SH3BP4: variants seen among roughly 807,000 people sequenced by gnomAD.
The protein encoded by SH3BP4 is SH3 domain-binding protein 4.
Under a neutral mutation model 65.5 loss-of-function variants are expected in SH3BP4, and 33 were observed. The ratio of observed to expected loss-of-function variants is 0.50; its 90% CI spans 0.38 to 0.67. The LOEUF (loss-of-function observed/expected upper bound fraction) is 0.67, where lower values mean the gene tolerates loss of function less well. SH3BP4 is among the 30% of genes least tolerant of loss of function. The pLI, the probability that SH3BP4 is intolerant of heterozygous loss-of-function variation, is 0.00. For missense variants in SH3BP4, 1,134 were observed against 1,261.4 expected (o/e 0.90, Z 1.53); for synonymous variants, 552 against 545.5 (o/e 1.01, Z -0.17).
rs760503995 is a variant in SH3BP4 at position 235,046,104 on chromosome 2, C to T, written c.2478+2857C>T. Among the ~76,000 whole-genome samples the T allele has an allele frequency of 6.6e-6, 1 of 152,180 alleles. No homozygotes were observed. Among genetic ancestry groups the T allele is most frequent in the Non-Finnish European group, 1.5e-5 (1 of 68,034 alleles). Reference sequence around the variant, plus strand: ...CTGCCCTGAACACACCCAGCTCGCCCGGCCTCCAGCTCCTGCAGATGCTAT... The same window carrying T: ...CTGCCCTGAACACACCCAGCTCGCCTGGCCTCCAGCTCCTGCAGATGCTAT... On this transcript the variant is annotated intron_variant, in intron 4 of 5. Transcript: ENST00000392011. The surrounding 1 kb of genome is among the most constrained non-coding windows in gnomAD (Gnocchi z 4.2).
At position 235,052,697 on chromosome 2, in the gene SH3BP4, A is replaced by C; in HGVS notation, c.2614A>C (p.Met872Leu). ...EKLAKVSKQQ[M>L]DAYESPHRDR... The stretch of plus-strand genomic sequence containing the variant: ...GCTGGCCAAGGTCTCCAAGCAGCAG[A>C]TGGACGCCTACGAGTCTCCCCACCG... The change falls in exon 5 of 6, where the codon ATG becomes CTG. Residue 872 changes from methionine (M) to leucine (L), a missense_variant. Physicochemically the swap from Met to Leu is conservative, Grantham distance 15. Coordinates refer to ENST00000392011, the MANE Select transcript of SH3BP4 (RefSeq NM_014521.3). This position sits in a 1 kb window ranked among gnomAD's most constrained non-coding sequence, Gnocchi z 5.0. 6.2e-7 allele frequency: 1 copy of C among 1,605,980 alleles called. No individual in the cohort carries two copies. The highest frequency in any genetic ancestry group is 8.5e-7 in the Non-Finnish European group (1 of 1,176,738).
intron 1 of SH3BP4, among the ~76,000 whole-genome samples, chr2:234,965,994 TG>T (rs1692826029): frequency 6.6e-6 from 1 of 152,210 alleles, no homozygotes; most frequent in African/African-American, 2.4e-5. Flanking sequence ...GGTTGAGATT[TG>T]GCCTGGCGAG....
At chr2:235,012,612 C>T (rs1030429097) in intron 2 of SH3BP4, among the ~76,000 whole-genome samples, 88 of 152,224 alleles carry the variant, frequency 5.8e-4, no homozygotes, top group African/African-American at 2.0e-3. Flanking sequence ...TCATAGTTCC[C>T]TCCTTTCACC....
At position 235,046,825 on chromosome 2, in the gene SH3BP4, A is replaced by G. The variant is rs560790090; in HGVS notation, c.2478+3578A>G. Among the ~76,000 whole-genome samples, 1 of 152,310 alleles carries G rather than the reference A, an allele frequency of 6.6e-6. No homozygotes were observed. Among genetic ancestry groups the G allele is most frequent in the Non-Finnish European group, 1.5e-5 (1 of 68,024 alleles). On this transcript the variant is annotated intron_variant, in intron 4 of 5. Coordinates refer to ENST00000392011, the MANE Select transcript of SH3BP4 (RefSeq NM_014521.3). This position sits in a 1 kb window ranked among gnomAD's most constrained non-coding sequence, Gnocchi z 4.2. ...AAGCGGGAGGCATTCTCACGTGGCC[A>G]TACCATGCTTCTGTTCTGTGGTTCC...
intron 2 of SH3BP4, among the ~76,000 whole-genome samples, chr2:235,014,737 T>C (rs1048389502): frequency 1.3e-5 from 2 of 152,174 alleles, no homozygotes; most frequent in Non-Finnish European, 2.9e-5. Context: ...GTGTCCACAT[T>C]TCCTCTTTGT....
intron 1 of SH3BP4, among the ~76,000 whole-genome samples, chr2:234,965,750 G>A (rs1247385763): frequency 6.6e-6 from 1 of 152,172 alleles, no homozygotes; most frequent in African/African-American, 2.4e-5. Flanking sequence ...CAGCGAACCT[G>A]TGTTGGAGGG....
intron 1 of SH3BP4, among the ~76,000 whole-genome samples, chr2:234,972,699 C>T (rs1693036393): frequency 6.6e-6 from 1 of 152,092 alleles, no homozygotes; most frequent in South Asian, 2.1e-4. Context: ...GCACTCCAGC[C>T]TGGGTACAGA....
At position 235,052,997 on chromosome 2, in the gene SH3BP4, A is replaced by G. The variant is rs1183201316; in HGVS notation, c.2667+247A>G. Among the ~76,000 whole-genome samples the G allele has an allele frequency of 1.3e-5, 2 of 152,260 alleles. No homozygotes were observed. Among genetic ancestry groups the G allele is most frequent in the African/African-American group, 4.8e-5 (2 of 41,474 alleles). On this transcript the variant is annotated intron_variant, in intron 5 of 5. Transcript: ENST00000392011. This position sits in a 1 kb window ranked among gnomAD's most constrained non-coding sequence, Gnocchi z 5.0. The stretch of plus-strand genomic sequence containing the variant: ...TCCACACGACATGGGAAGGACAAAC[A>G]GAACTGCCTGTCCCTTGTTCATTTT...
rs146049108 is a variant in SH3BP4, at chr2:235,036,740, A to AAAAAAAAAAAATAATAAT, written c.118+1622_118+1623insAAAAAAAAATAATAATAA. ...ACTGCACTCTGAGACTCTATATAAA[A>AAAAAAAAAAAATAATAAT]AATAATAATAATAATAATGACAGTG... is the stretch of plus-strand genomic sequence containing the variant. On this transcript the variant is annotated intron_variant, in intron 3 of 5. Coordinates refer to ENST00000392011, the MANE Select transcript of SH3BP4 (RefSeq NM_014521.3). Among the ~76,000 whole-genome samples, 691 of 141,752 alleles carry AAAAAAAAAAAATAATAAT rather than the reference A, an allele frequency of 4.9e-3. 8 individuals carry two copies. The highest frequency in any genetic ancestry group is 0.017 in the African/African-American group (617 of 37,048). The allele number at this position is 141,752 out of a possible 152,430, so 93.0% of individuals were successfully genotyped here. A position where few individuals can be genotyped will look rare whatever the true frequency, so the allele number is the denominator to read the frequency against.
intron 2 of SH3BP4, among the ~76,000 whole-genome samples, chr2:235,009,372 G>A (rs1574815779): frequency 6.6e-6 from 1 of 152,216 alleles, no homozygotes; most frequent in East Asian, 1.9e-4. Flanking sequence ...GGACCAAAGT[G>A]TCACTGAATG....
At chr2:235,024,044 T>C (rs1694922352) in intron 2 of SH3BP4, among the ~76,000 whole-genome samples, 1 of 152,234 alleles carries the variant, frequency 6.6e-6, no homozygotes, top group African/African-American at 2.4e-5. Context: ...AAGGATGGAT[T>C]TTTCATTGCT....
intron 2 of SH3BP4, among the ~76,000 whole-genome samples, chr2:235,000,684 T>C (rs1221708303): frequency 2.0e-5 from 3 of 152,144 alleles, no homozygotes; most frequent in Non-Finnish European, 4.4e-5. Context: ...TCCTTTCCAC[T>C]CTGTTGGAGG....
chr2:235,040,824 G>C, intron 3 of SH3BP4, 64 bp from the exon 4 acceptor site: 1 of 1,427,900 alleles, frequency 7.0e-7, no homozygotes, highest in Non-Finnish European at 9.8e-7. Flanking sequence ...CTCTCCTTTG[G>C]GAAGCTCTCC....
chr2:234,973,818 T>C (rs1693084074), intron 1 of SH3BP4, among the ~76,000 whole-genome samples: 2 of 151,784 alleles, frequency 1.3e-5, no homozygotes, highest in South Asian at 2.1e-4. Flanking sequence ...ACAACTGTTT[T>C]TGTAGAGAGT....
chr2:235,041,734 A>G lies in SH3BP4; in HGVS notation c.965A>G (p.Lys322Arg), dbSNP rs759336396. 1.2e-6 allele frequency: 2 copies of G among 1,610,854 alleles called. No homozygotes were observed. The highest frequency in any genetic ancestry group is 8.5e-7 in the Non-Finnish European group (1 of 1,178,124). The change falls in exon 4 of 6, where the codon AAG (lysine) becomes AGG (arginine). Residue 322 changes from lysine (K) to arginine (R), a missense_variant. Lys to Arg is a conservative substitution (Grantham distance 26). Coordinates refer to ENST00000392011, the MANE Select transcript of SH3BP4 (RefSeq NM_014521.3). The surrounding 1 kb of genome is among the most constrained non-coding windows in gnomAD (Gnocchi z 6.0). ...GCCGTGGAGACAAACATCGTGTGCA[A>G]GCTGGATAGCTCCGGGGGTGCTGTC... ...TQAVETNIVC[K>R]LDSSGGAVQL...
intron 1 of SH3BP4, among the ~76,000 whole-genome samples, chr2:234,965,834 A>G (rs1692821830): frequency 2.0e-5 from 3 of 152,240 alleles, no homozygotes. Context: ...CCAACTAGGC[A>G]TGATGGGAAA....
chr2:235,022,459 G>A (rs1040075117), intron 2 of SH3BP4, among the ~76,000 whole-genome samples: 1 of 152,096 alleles, frequency 6.6e-6, no homozygotes, highest in East Asian at 1.9e-4. Context: ...AGGTGGAGGC[G>A]GCAGTGAGCC....
At chr2:235,032,374 T>G (rs1278307396) in intron 2 of SH3BP4, among the ~76,000 whole-genome samples, 1 of 152,252 alleles carries the variant, frequency 6.6e-6, no homozygotes, top group Non-Finnish European at 1.5e-5. Context: ...GAGATTGTCC[T>G]GAAGCTCCTC....
At chr2:235,047,335 G>A (rs1695896134) in intron 4 of SH3BP4, among the ~76,000 whole-genome samples, 1 of 152,168 alleles carries the variant, frequency 6.6e-6, no homozygotes, top group South Asian at 2.1e-4. Context: ...TCAAGGGTAG[G>A]GTTTTCTTTC....
Sources: gnomAD v4.1 joint callset for allele counts (sites outside exome capture counted in the v4.1 genomes callset) on GRCh38, gnomAD v4.1.1 for gene constraint, Gnocchi (gnomAD v3.1) non-coding constraint, MANE v1.5 for transcripts, NCBI Gene and HGNC (gene_info 2026-07-23, HGNC 2026-07-21) for gene names.